ARHGAP22: variants seen among roughly 807,000 people sequenced by gnomAD.
ARHGAP22 encodes the protein Rho GTPase activating protein 22.
ARHGAP22 carries 48 observed loss-of-function variants against 59.1 expected under a neutral mutation model. That is an observed-to-expected ratio of 0.81 (90% confidence interval 0.64 to 1.03). The LOEUF (loss-of-function observed/expected upper bound fraction) is 1.03, where lower values mean the gene tolerates loss of function less well. ARHGAP22 is among the 50% of genes least tolerant of loss of function. The probability of loss-of-function intolerance (pLI) is 0.00; values close to 1 mark genes in which losing one functional copy is unlikely to be tolerated. For missense variants in ARHGAP22, 1,015 were observed against 958.7 expected (o/e 1.06, Z -0.78); for synonymous variants, 445 against 416.4 (o/e 1.07, Z -0.84).
chr10:48,494,837 C>T (rs2050759807), intron 3 of ARHGAP22, among the ~76,000 whole-genome samples: 1 of 152,224 alleles, frequency 6.6e-6, no homozygotes, highest in Non-Finnish European at 1.5e-5. Context: ...CTCTAGCACC[C>T]TCTCTCCCTC....
intron 3 of ARHGAP22, among the ~76,000 whole-genome samples, chr10:48,509,984 A>G (rs1196136911): frequency 2.0e-5 from 3 of 152,224 alleles, no homozygotes; most frequent in African/African-American, 7.2e-5. Context: ...AGAAGAGAAA[A>G]GAATATGAAT....
chr10:48,654,098 A>G (rs891775124), upstream of ARHGAP22, among the ~76,000 whole-genome samples: 2 of 152,240 alleles, frequency 1.3e-5, no homozygotes, highest in African/African-American at 4.8e-5. Context: ...TCAGTTAAAA[A>G]GAGGGGATTT....
chr10:48,642,879 A>G (rs1449772399), intron 1 of ARHGAP22, among the ~76,000 whole-genome samples: 2 of 152,354 alleles, frequency 1.3e-5, no homozygotes, highest in Middle Eastern at 3.4e-3. Flanking sequence ...AAAGAACTCA[A>G]ACAAACTTAC....
At chr10:48,651,621 T>A (rs2062567677) in intron 1 of ARHGAP22, among the ~76,000 whole-genome samples, 1 of 146,782 alleles carries the variant, frequency 6.8e-6, no homozygotes, top group African/African-American at 2.5e-5. Context: ...CACCCAACCA[T>A]CACCTGCACA....
intron 6 of ARHGAP22, among the ~76,000 whole-genome samples, chr10:48,454,520 G>A (rs1287569003): frequency 6.6e-6 from 1 of 152,140 alleles, no homozygotes; most frequent in Non-Finnish European, 1.5e-5. Context: ...CCCTGGCCCT[G>A]AGCCACCTGG....
At chr10:48,638,118 T>C (rs538963964) in intron 1 of ARHGAP22, among the ~76,000 whole-genome samples, 13 of 152,278 alleles carry the variant, frequency 8.5e-5, no homozygotes, top group African/African-American at 2.6e-4. Flanking sequence ...GCTTCCAATC[T>C]TCCACCGTTT....
chr10:48,557,584 G>A (rs970693670), intron 2 of ARHGAP22, among the ~76,000 whole-genome samples: 2 of 152,330 alleles, frequency 1.3e-5, no homozygotes, highest in Admixed American at 6.5e-5. Context: ...TGCTGGGGAC[G>A]TCAGCTCAGG....
rs368809600 is a variant in ARHGAP22, at chr10:48,451,143, G to T, written c.989-3C>A. The T allele has an allele frequency of 6.4e-7, 1 of 1,551,412 alleles. No individual in the cohort carries two copies. The highest frequency in any genetic ancestry group is 1.4e-5 in the African/African-American group (1 of 73,086). ...CAGGTGCTGGACGAGGGAAGTGCCT[G>T]CCGGGAAGAGAGGCGGAGAAGGGCC... On this transcript the variant is annotated splice_polypyrimidine_tract_variant and splice_region_variant and intron_variant, in intron 8 of 9. Transcript: ENST00000249601.
chr10:48,447,852 C>A (rs1301281767), intron 9 of ARHGAP22, among the ~76,000 whole-genome samples: 1 of 152,226 alleles, frequency 6.6e-6, no homozygotes, highest in African/African-American at 2.4e-5. Flanking sequence ...TAAGTCCATT[C>A]TTTTTCTCGG....
chr10:48,555,216 A>G (rs1431194766), intron 3 of ARHGAP22, among the ~76,000 whole-genome samples: 1 of 152,078 alleles, frequency 6.6e-6, no homozygotes, highest in Admixed American at 6.5e-5. Flanking sequence ...CTTTCCTTGC[A>G]TTTATCGTGA....
intron 2 of ARHGAP22, among the ~76,000 whole-genome samples, chr10:48,555,913 C>G (rs1226216245): frequency 6.6e-6 from 1 of 152,148 alleles, no homozygotes; most frequent in Non-Finnish European, 1.5e-5. Flanking sequence ...CAGGGAGAAG[C>G]CTGGCACTCT....
chr10:48,440,171 G>C, the ARHGAP22 span, among the ~76,000 whole-genome samples: 1 of 149,584 alleles, frequency 6.7e-6, no homozygotes, highest in Admixed American at 6.7e-5. Flanking sequence ...CTATTAACTT[G>C]ATCTAAGTGA....
intron 1 of ARHGAP22, among the ~76,000 whole-genome samples, chr10:48,637,227 G>A (rs1192738143): frequency 6.6e-6 from 1 of 152,204 alleles, no homozygotes; most frequent in Non-Finnish European, 1.5e-5. Context: ...GAGGTGGGGG[G>A]CAAGGGGTAG....
chr10:48,569,584 C>T (rs958960467), intron 2 of ARHGAP22, among the ~76,000 whole-genome samples: 2 of 152,198 alleles, frequency 1.3e-5, no homozygotes, highest in African/African-American at 4.8e-5. Flanking sequence ...TATCAGTTTT[C>T]TACGTATTAC....
chr10:48,634,644 T>C (rs1057328825), intron 1 of ARHGAP22, among the ~76,000 whole-genome samples: 82 of 152,212 alleles, frequency 5.4e-4, no homozygotes, highest in African/African-American at 1.9e-3. Flanking sequence ...CAGCCTGTTC[T>C]TTGGAATAGA....
intron 1 of ARHGAP22, among the ~76,000 whole-genome samples, chr10:48,586,785 T>A (rs1200777455): frequency 6.6e-6 from 1 of 152,212 alleles, no homozygotes; most frequent in African/African-American, 2.4e-5. Flanking sequence ...TTCTACCAAT[T>A]GTATGAGACG....
At chr10:48,580,242 C>T (rs973083038) in intron 2 of ARHGAP22, among the ~76,000 whole-genome samples, 4 of 152,112 alleles carry the variant, frequency 2.6e-5, no homozygotes, top group Non-Finnish European at 2.9e-5. Context: ...GATGTCCATG[C>T]CTCCATTTTA....
intron 3 of ARHGAP22, among the ~76,000 whole-genome samples, chr10:48,543,243 C>T (rs1165923748): frequency 6.6e-6 from 1 of 152,206 alleles, no homozygotes; most frequent in Non-Finnish European, 1.5e-5. Context: ...CTCCTTCCAT[C>T]ACAGTGGAGA....
intron 2 of ARHGAP22, among the ~76,000 whole-genome samples, chr10:48,572,857 A>T (rs193234174): frequency 6.6e-6 from 1 of 152,340 alleles, no homozygotes; most frequent in East Asian, 1.9e-4. Flanking sequence ...ATGGCATGGC[A>T]TCACTTCTGT....
Sources: allele counts gnomAD v4.1 joint callset (sites outside exome capture counted in the v4.1 genomes callset), GRCh38; gene constraint gnomAD v4.1.1; transcripts MANE v1.5; gene names NCBI Gene and HGNC (gene_info 2026-07-23, HGNC 2026-07-21).